The following MARCHF1 variants were observed in gnomAD, a reference collection of about 807,000 sequenced individuals.
The protein encoded by MARCHF1 is membrane associated ring-CH-type finger 1, also known as E3 ubiquitin-protein ligase MARCHF1.
In MARCHF1, 40 loss-of-function variants were observed where a neutral mutation model predicts 54.2. That is an observed-to-expected ratio of 0.74 (90% confidence interval 0.57 to 0.96). The LOEUF (loss-of-function observed/expected upper bound fraction) is 0.96. Among genes scored for constraint, MARCHF1 ranks in the 40% least tolerant of loss-of-function variants. The pLI, the probability that MARCHF1 is intolerant of heterozygous loss-of-function variation, is 0.00. For missense variants in MARCHF1, 586 were observed against 656.5 expected, an observed-to-expected ratio of 0.89 and a Z score of 1.17; for synonymous variants, 236 against 236.3, an observed-to-expected ratio of 1.00 and a Z score of 0.01.
At chr4:163,772,000 T>C (rs186092605) in intron 4 of MARCHF1, among the ~76,000 whole-genome samples, 47 of 152,288 alleles carry the variant, frequency 3.1e-4, no homozygotes, top group African/African-American at 1.1e-3. Flanking sequence ...TCATGAATTA[T>C]CAATATATTT....
At chr4:163,930,858 T>C (rs1751656939) in intron 3 of MARCHF1, among the ~76,000 whole-genome samples, 1 of 152,150 alleles carries the variant, frequency 6.6e-6, no homozygotes, top group Non-Finnish European at 1.5e-5. Flanking sequence ...GAAATGAATG[T>C]ACTTTGCATG....
intron 1 of MARCHF1, among the ~76,000 whole-genome samples, chr4:164,170,037 G>A (rs1730481671): frequency 6.6e-6 from 1 of 152,030 alleles, no homozygotes; most frequent in Admixed American, 6.6e-5. Flanking sequence ...GGACTCAGGT[G>A]TATTTTGAAA....
intron 5 of MARCHF1, among the ~76,000 whole-genome samples, chr4:163,633,943 A>C (rs1435652849): frequency 6.6e-6 from 1 of 152,214 alleles, no homozygotes; most frequent in African/African-American, 2.4e-5. Flanking sequence ...GCCAATATTC[A>C]ACATTCTTAA....
intron 1 of MARCHF1, among the ~76,000 whole-genome samples, chr4:164,206,314 G>A (rs187717849): frequency 6.6e-6 from 1 of 152,140 alleles, no homozygotes; most frequent in East Asian, 1.9e-4. Context: ...GCAGTTGCCC[G>A]TAATCCCAGC....
intron 3 of MARCHF1, among the ~76,000 whole-genome samples, chr4:163,886,178 T>C (rs1750528246): frequency 6.7e-6 from 1 of 150,086 alleles, no homozygotes; most frequent in Non-Finnish European, 1.5e-5. Flanking sequence ...TATATATCTA[T>C]AGATATGAAT....
chr4:164,002,123 A>T (rs1382715031), intron 2 of MARCHF1, among the ~76,000 whole-genome samples: 1 of 151,746 alleles, frequency 6.6e-6, no homozygotes, highest in Non-Finnish European at 1.5e-5. Flanking sequence ...AACAACTTAC[A>T]CTTTATAAGG....
intron 1 of MARCHF1, chr4:164,190,504 C>A: frequency 3.7e-6 from 1 of 268,270 alleles, no homozygotes; most frequent in Non-Finnish European, 6.9e-6. Context: ...TTAGCAGTTG[C>A]TCACATGTCT....
chr4:164,185,985 T>A (rs1442609936), intron 1 of MARCHF1, among the ~76,000 whole-genome samples: 1 of 152,134 alleles, frequency 6.6e-6, no homozygotes, highest in African/African-American at 2.4e-5. Context: ...TCTCTGCCTC[T>A]GGGTTCAAGT....
At chr4:164,368,324 T>C (rs1730938595) in intron 1 of MARCHF1, among the ~76,000 whole-genome samples, 1 of 108,246 alleles carries the variant, frequency 9.2e-6, no homozygotes, top group African/African-American at 2.8e-5. Flanking sequence ...AATAATTTTC[T>C]AGAAAAACAT....
intron 2 of MARCHF1, among the ~76,000 whole-genome samples, chr4:164,088,267 G>C (rs768134265): frequency 2.0e-5 from 3 of 152,118 alleles, no homozygotes; most frequent in African/African-American, 7.2e-5. Flanking sequence ...ATAAATTGGC[G>C]TTCAAAGGTT....
intron 2 of MARCHF1, among the ~76,000 whole-genome samples, chr4:164,085,541 A>G (rs985235841): frequency 6.6e-6 from 1 of 151,876 alleles, no homozygotes; most frequent in Non-Finnish European, 1.5e-5. Context: ...TAGTAATAAT[A>G]CCAAGTCATA....
At chr4:163,714,571 T>TCC (rs1745203231) in intron 4 of MARCHF1, among the ~76,000 whole-genome samples, 3 of 152,250 alleles carry the variant, frequency 2.0e-5, no homozygotes, top group Non-Finnish European at 4.4e-5. Context: ...ATAAATTAAG[T>TCC]AGGACGGTAA....
At chr4:163,613,267 A>G in intron 6 of MARCHF1, 47 bp downstream of exon 6, 5 of 1,538,940 alleles carry the variant, frequency 3.2e-6, no homozygotes, top group Non-Finnish European at 4.4e-6. Context: ...AAGAATACGA[A>G]TATTGATCCA....
Position 164,169,061 on chromosome 4 carries a change from G to A in MARCHF1, c.-322-57399C>T, listed in dbSNP as rs148254575. On this transcript the variant is annotated intron_variant, in intron 1 of 9. Coordinates refer to ENST00000514618, the MANE Select transcript of MARCHF1 (RefSeq NM_001394959.1). ...GTTAATAAAACTGTTTTGTATTAAG[G>A]ATTTTTGCTGGATACGTAGATTTTA... is the stretch of plus-strand genomic sequence containing the variant. 8.7e-3 allele frequency among the ~76,000 whole-genome samples: 1,321 copies of A among 152,056 alleles called. 20 individuals are homozygous for A. Among genetic ancestry groups the A allele is most frequent in the African/African-American group, 0.03 (1,238 of 41,484 alleles).
At chr4:163,878,783 GTTT>G (rs1006007676) in intron 3 of MARCHF1, among the ~76,000 whole-genome samples, 1 of 152,104 alleles carries the variant, frequency 6.6e-6, no homozygotes, top group Non-Finnish European at 1.5e-5. Context: ...TCCAAAGTCA[GTTT>G]TTTTGTACCA....
chr4:163,851,074 G>C (rs1004281463), intron 4 of MARCHF1, among the ~76,000 whole-genome samples: 1 of 152,004 alleles, frequency 6.6e-6, no homozygotes, highest in African/African-American at 2.4e-5. Context: ...CATGATTCCG[G>C]AATATAACAC....
At chr4:163,768,710 T>C (rs1747062316) in intron 4 of MARCHF1, among the ~76,000 whole-genome samples, 1 of 152,168 alleles carries the variant, frequency 6.6e-6, no homozygotes, top group Admixed American at 6.5e-5. Context: ...ATTTATTGAG[T>C]GTAACCTTTT....
intron 3 of MARCHF1, among the ~76,000 whole-genome samples, chr4:163,963,061 A>AATC (rs1315143278): frequency 6.6e-6 from 1 of 151,940 alleles, no homozygotes; most frequent in Non-Finnish European, 1.5e-5. Context: ...GTCAGAATAA[A>AATC]ATCATATGCT....
chr4:163,642,003 A>C (rs774828635), intron 5 of MARCHF1, among the ~76,000 whole-genome samples: 1 of 152,086 alleles, frequency 6.6e-6, no homozygotes, highest in African/African-American at 2.4e-5. Context: ...ACAAACCTCC[A>C]TCTCCACTCC....
Sources: gnomAD v4.1 joint callset for allele counts (sites outside exome capture counted in the v4.1 genomes callset) on GRCh38, gnomAD v4.1.1 for gene constraint, MANE v1.5 for transcripts, NCBI Gene and HGNC (gene_info 2026-07-23, HGNC 2026-07-21) for gene names.